TCAF2: variants seen among roughly 807,000 people sequenced by gnomAD.
TCAF2 encodes the protein TRPM8 channel associated factor 2, also known as TRPM8 channel-associated factor 2.
TCAF2 carries 6 observed loss-of-function variants against 33.9 expected under a neutral mutation model. That is an observed-to-expected ratio of 0.18 (90% CI 0.10 to 0.35). The LOEUF (loss-of-function observed/expected upper bound fraction) is 0.35. TCAF2 is among the 10% of genes least tolerant of loss of function. The probability of loss-of-function intolerance (pLI) is 1.00; values close to 1 mark genes in which losing one functional copy is unlikely to be tolerated. For missense variants in TCAF2, 109 were observed against 604.0 expected, an observed-to-expected ratio of 0.18 and a Z score of 8.59; for synonymous variants, 41 against 247.8, an observed-to-expected ratio of 0.17 and a Z score of 7.84.
intron 1 of TCAF2, among the ~76,000 whole-genome samples, chr7:143,649,358 G>C (rs1449250957): frequency 1.1e-5 from 1 of 87,246 alleles, no homozygotes; most frequent in Non-Finnish European, 2.4e-5. Flanking sequence ...TAATGACATT[G>C]AGCTACAAGA....
In TCAF2 at chr7:143,724,594, C is replaced by T. The variant is rs750417423; in HGVS notation, c.2402C>T (p.Ala801Val). ...LGIPRAQAHE[A>V]LSPPERERRI... ...ATCCCCAGGGCTCAGGCCCACGAGG[C>T]TCTGAGCCCTCCAGAGCGAGAGAGG... The change falls in exon 7 of 8, where the codon GCT (alanine) becomes GTT (valine). Residue 801 changes from alanine to valine, a missense_variant. Coordinates refer to ENST00000684770, the MANE Select transcript of TCAF2 (RefSeq NM_001363538.2). The T allele has an allele frequency of 2.5e-5, 40 of 1,610,990 alleles. No homozygotes were observed. The highest frequency in any genetic ancestry group is 3.3e-5 in the Non-Finnish European group (39 of 1,179,616).
At chr7:143,621,154 T>C in intron 1 of TCAF2, 134 bp downstream of exon 1, 1 of 30,882 alleles carries the variant, frequency 3.2e-5, no homozygotes, top group Non-Finnish European at 9.1e-5. Context: ...TTCTTAGGTC[T>C]AGGTCTTTGG....
At position 143,720,139 on chromosome 7, in the gene TCAF2, G is replaced by GGC; in HGVS notation, c.1081_1082insCG (p.Gly361AlafsTer50). 6.5e-7 allele frequency: 1 copy of GGC among 1,535,788 alleles called. No individual in the cohort carries two copies. The highest frequency in any genetic ancestry group is 8.9e-7 in the Non-Finnish European group (1 of 1,124,812). ...CTGAGGGTGGGGGGCTGCTGATTGGGGGCCAGGCCTGGTGGTGGGCCTCCC... is the reference window on the plus strand; with the variant it reads ...CTGAGGGTGGGGGGCTGCTGATTGGGGCGGCCAGGCCTGGTGGTGGGCCTCCC... On this transcript the variant is annotated frameshift_variant, in exon 3 of 8. Coordinates refer to ENST00000684770, the MANE Select transcript of TCAF2 (RefSeq NM_001363538.2). LOFTEE classifies it high-confidence loss of function.
rs77443038 is a variant in TCAF2, at chr7:143,720,761, T to C, written c.1615+87T>C. On this transcript the variant is annotated intron_variant, in intron 3 of 7. Coordinates refer to ENST00000684770, the MANE Select transcript of TCAF2 (RefSeq NM_001363538.2). ...ACACTACACAGGACATTGCAGGTACTTACCCTCAGGAAGATTGACCCCATT... is the reference window on the plus strand; with the variant it reads ...ACACTACACAGGACATTGCAGGTACCTACCCTCAGGAAGATTGACCCCATT... The C allele has an allele frequency of 3.6e-3, 3,708 of 1,029,116 alleles. 1,755 individuals are homozygous for C. The highest frequency in any genetic ancestry group is 0.027 in the Admixed American group (814 of 30,006). 63.7% of individuals were successfully genotyped at this position (1,029,116 alleles called of 1,614,324 possible). A position where few individuals can be genotyped will look rare whatever the true frequency, so the allele number is the denominator to read the frequency against.
chr7:143,729,419 G>A lies in TCAF2; in HGVS notation c.*1752G>A, dbSNP rs563839937. 6.6e-6 allele frequency: 1 copy of A among 152,204 alleles called. No homozygotes were observed. Among genetic ancestry groups the A allele is most frequent in the African/African-American group, 2.4e-5 (1 of 41,536 alleles). The allele number at this position is 152,204 out of a possible 1,614,324, so 9.4% of individuals were successfully genotyped here. A position where few individuals can be genotyped will look rare whatever the true frequency, so the allele number is the denominator to read the frequency against. On this transcript the variant is annotated 3_prime_UTR_variant, in exon 8 of 8. Coordinates refer to ENST00000684770, the MANE Select transcript of TCAF2 (RefSeq NM_001363538.2). ...AATAGATGAAAATATGTTCAACCAGGTCTGGATTTTTCCAATGTTTACTAC... is the reference window on the plus strand; with the variant it reads ...AATAGATGAAAATATGTTCAACCAGATCTGGATTTTTCCAATGTTTACTAC...
chr7:143,635,375 C>T (rs1489180232), intron 1 of TCAF2, among the ~76,000 whole-genome samples: 2 of 48 alleles, frequency 0.042, no homozygotes, highest in Admixed American at 0.25. Context: ...CCTAACCATA[C>T]CATCCCATCC....
At chr7:143,719,324 C>A (rs1473526525) in intron 2 of TCAF2, among the ~76,000 whole-genome samples, 2 of 82,094 alleles carry the variant, frequency 2.4e-5, no homozygotes, top group Admixed American at 1.4e-4. Context: ...ATTGCTTGAA[C>A]CCGGTAGGTG....
In TCAF2 at chr7:143,729,621, T is replaced by C. The variant is rs1444603110; in HGVS notation, c.*1954T>C. 1 of 152,060 alleles carries C rather than the reference T, an allele frequency of 6.6e-6. No individual in the cohort carries two copies. The highest frequency in any genetic ancestry group is 6.5e-5 in the Admixed American group (1 of 15,276). The allele number at this position is 152,060 out of a possible 1,614,324, so 9.4% of individuals were successfully genotyped here. A position where few individuals can be genotyped will look rare whatever the true frequency, so the allele number is the denominator to read the frequency against. The stretch of plus-strand genomic sequence containing the variant: ...GTTCTTTTTTTTTTTTCATTTAAGT[T>C]CTGGGATACATGTGCAGAACGTGCA... On this transcript the variant is annotated 3_prime_UTR_variant, in exon 8 of 8. Coordinates refer to ENST00000684770, the MANE Select transcript of TCAF2 (RefSeq NM_001363538.2).
At chr7:143,724,864 C>T (rs1313236980) in intron 7 of TCAF2, 167 bp downstream of exon 7, 65 of 1,507,978 alleles carry the variant, frequency 4.3e-5, no homozygotes, top group African/African-American at 7.1e-5. Context: ...TTGGGTTATA[C>T]CCCTCTAAGG....
In TCAF2 at chr7:143,729,271, T is replaced by A. The variant is rs1809756616; in HGVS notation, c.*1604T>A. On this transcript the variant is annotated 3_prime_UTR_variant, in exon 8 of 8. Coordinates refer to ENST00000684770, the MANE Select transcript of TCAF2 (RefSeq NM_001363538.2). ...GACACTAAGGGACATAAAATAAGTTTTTTGAAGTCACAAAGTGAATAAAAG... is the reference window on the plus strand; with the variant it reads ...GACACTAAGGGACATAAAATAAGTTATTTGAAGTCACAAAGTGAATAAAAG... 1 of 152,180 alleles carries A rather than the reference T, an allele frequency of 6.6e-6. No homozygotes were observed. Among genetic ancestry groups the A allele is most frequent in the Non-Finnish European group, 1.5e-5 (1 of 68,036 alleles). 9.4% of individuals were successfully genotyped at this position (152,180 alleles called of 1,614,324 possible).
chr7:143,622,578 C>CTTTCT (rs1808783662), intron 1 of TCAF2, among the ~76,000 whole-genome samples: 1 of 36,768 alleles, frequency 2.7e-5, no homozygotes, highest in African/African-American at 7.2e-5. Flanking sequence ...TTTTACTTTA[C>CTTTCT]TTTATTTTAT....
At chr7:143,724,894 C>T (rs1458185918) in intron 7 of TCAF2, 197 bp downstream of exon 7, 6 of 1,405,938 alleles carry the variant, frequency 4.3e-6, no homozygotes, top group Non-Finnish European at 5.6e-6. Flanking sequence ...TGGCACCTGT[C>T]TCACTCACCT....
rs1405637581 is a variant in TCAF2, at chr7:143,728,338, A to T, written c.*671A>T. 1 of 153,730 alleles carries T rather than the reference A, an allele frequency of 6.5e-6. No individual in the cohort carries two copies. Among genetic ancestry groups the T allele is most frequent in the South Asian group, 2.0e-4 (1 of 4,894 alleles). 9.5% of individuals were successfully genotyped at this position (153,730 alleles called of 1,614,324 possible). ...GTCCTTGTATATTTAGAGAATGTCAATGTTTTCCCAGACATGGTATCAATA... is the reference window on the plus strand; with the variant it reads ...GTCCTTGTATATTTAGAGAATGTCATTGTTTTCCCAGACATGGTATCAATA... On this transcript the variant is annotated 3_prime_UTR_variant, in exon 8 of 8. Transcript: ENST00000684770.
At chr7:143,718,375 C>A (rs929048855) in intron 2 of TCAF2, among the ~76,000 whole-genome samples, 1 of 148,246 alleles carries the variant, frequency 6.7e-6, no homozygotes, top group Non-Finnish European at 1.5e-5. Context: ...GATAAATATG[C>A]TTTAGGTTCT....
chr7:143,701,934 G>GACTCAGCC (rs1809183172), intron 1 of TCAF2, among the ~76,000 whole-genome samples: 1 of 25,564 alleles, frequency 3.9e-5, no homozygotes, highest in South Asian at 2.3e-3. Context: ...AAATTCTCAT[G>GACTCAGCC]ACTCAGCCTC....
At chr7:143,720,900 C>G (rs1170351994) in intron 3 of TCAF2, 3 of 464,740 alleles carry the variant, frequency 6.5e-6, no homozygotes, top group Non-Finnish European at 1.0e-5. Flanking sequence ...CTCTCTCAGC[C>G]TCCTGTGTTG....
At chr7:143,628,110 CAAA>C (rs1237202176) in intron 1 of TCAF2, among the ~76,000 whole-genome samples, 2 of 9,720 alleles carry the variant, frequency 2.1e-4, no homozygotes, top group Admixed American at 1.8e-3. Flanking sequence ...GACTCTGTCT[CAAA>C]AAAAAAAAAA....
At chr7:143,701,900 C>T (rs1232893471) in intron 1 of TCAF2, among the ~76,000 whole-genome samples, 1 of 52,456 alleles carries the variant, frequency 1.9e-5, no homozygotes. Flanking sequence ...CTGCAACCTC[C>T]GCCCCCCACC....
At chr7:143,647,814 A>C (rs1369447303) in intron 1 of TCAF2, among the ~76,000 whole-genome samples, 4 of 131,886 alleles carry the variant, frequency 3.0e-5, no homozygotes, top group African/African-American at 1.1e-4. Flanking sequence ...ATTTATTTTT[A>C]TCATATTTAA....
Sources: allele counts gnomAD v4.1 joint callset (sites outside exome capture counted in the v4.1 genomes callset), GRCh38; gene constraint gnomAD v4.1.1; transcripts MANE v1.5; gene names NCBI Gene and HGNC (gene_info 2026-07-23, HGNC 2026-07-21).